Variants in DNAH17 observed in about 807,000 individuals in gnomAD.
The protein encoded by DNAH17 is axonemal beta dynein heavy chain 17.
In DNAH17, 376 loss-of-function variants were observed where a neutral mutation model predicts 485.6. That is an observed-to-expected ratio of 0.77 (90% CI 0.71 to 0.84). The LOEUF (loss-of-function observed/expected upper bound fraction) is 0.84. DNAH17 is among the 40% of genes least tolerant of loss of function. DNAH17 has a pLI of 0.00. For synonymous variants in DNAH17, 3,031 were observed against 2,405.9 expected, an observed-to-expected ratio of 1.26 and a Z score of -7.60; for missense variants, 6,370 against 5,839.3, an observed-to-expected ratio of 1.09 and a Z score of -2.96.
At chr17:78,538,545 T>C (rs528436350) in intron 18 of DNAH17, among the ~76,000 whole-genome samples, 8 of 152,206 alleles carry the variant, frequency 5.3e-5, no homozygotes, top group Admixed American at 3.3e-4. Flanking sequence ...AGTATCTGAG[T>C]GAGGTGCTAA....
intron 2 of DNAH17, among the ~76,000 whole-genome samples, chr17:78,573,937 C>T (rs1278108809): frequency 1.3e-5 from 2 of 152,122 alleles, no homozygotes; most frequent in African/African-American, 4.8e-5. Flanking sequence ...AGTGTGTCCC[C>T]CCCACCTACA....
At chr17:78,492,995 C>T (rs563818010) in intron 41 of DNAH17, 11 of 373,628 alleles carry the variant, frequency 2.9e-5, no homozygotes, top group Admixed American at 8.5e-5. Context: ...GGATTACAGG[C>T]GCCCATGACC....
At position 78,494,633 on chromosome 17, in the gene DNAH17, G is replaced by A; in HGVS notation, c.6230C>T (p.Ala2077Val). ...FMGLIGDLFP[A>V]LDVPRKRDLN... ...GTCCCGTTTCCGAGGCACGTCCAGA[G>A]CCGGGAAGAGGTCCCCGATCAGTCC... is the stretch of plus-strand genomic sequence containing the variant. Residue 2077 changes from alanine (A) to valine (V), a missense_variant, in exon 40 of 81, where the codon GCT becomes GTT. Transcript: ENST00000389840. 1 of 1,613,900 alleles carries A rather than the reference G, an allele frequency of 6.2e-7. No individual in the cohort carries two copies. Among genetic ancestry groups the A allele is most frequent in the Non-Finnish European group, 8.5e-7 (1 of 1,179,898 alleles).
At chr17:78,432,656 G>A (rs188918006) in intron 75 of DNAH17, among the ~76,000 whole-genome samples, 4 of 152,340 alleles carry the variant, frequency 2.6e-5, no homozygotes, top group Admixed American at 6.5e-5. Context: ...CCTCCTGGGG[G>A]CCTTCTCAGG....
At chr17:78,439,000 C>T in intron 73 of DNAH17, 90 bp downstream of exon 73, 1 of 1,509,394 alleles carries the variant, frequency 6.6e-7, no homozygotes, top group Non-Finnish European at 8.9e-7. Context: ...GCAAACTCCA[C>T]ATCCTGCTTC....
intron 37 of DNAH17, among the ~76,000 whole-genome samples, chr17:78,498,511 G>A (rs890727345): frequency 2.6e-5 from 4 of 152,322 alleles, no homozygotes. Flanking sequence ...GGGGTGGGGC[G>A]CTGGCCCAGG....
Position 78,444,542 on chromosome 17 carries a change from G to C in DNAH17, c.11528+62C>G, listed in dbSNP as rs955661347. The stretch of plus-strand genomic sequence containing the variant: ...CACAGAGAGTCTAGCACAGCCGCTC[G>C]GTCAAGCTTCCATCAGGCCTGGGCC... On this transcript the variant is annotated intron_variant, in intron 71 of 80. Coordinates refer to ENST00000389840, the MANE Select transcript of DNAH17 (RefSeq NM_173628.4). 3.2e-5 allele frequency: 47 copies of C among 1,459,968 alleles called. No individual in the cohort carries two copies. The East Asian group carries it at 7.8e-4, about 24-fold the overall frequency. 90.4% of individuals were successfully genotyped at this position (1,459,968 alleles called of 1,614,324 possible). A position where few individuals can be genotyped will look rare whatever the true frequency, so the allele number is the denominator to read the frequency against.
In DNAH17 at chr17:78,491,577, G is replaced by A. The variant is rs2089859095; in HGVS notation, c.6542-7C>T. 3 of 1,613,332 alleles carry A rather than the reference G, an allele frequency of 1.9e-6. No individual in the cohort carries two copies. The highest frequency in any genetic ancestry group is 1.7e-5 in the Admixed American group (1 of 59,950). ...ATGATGGTGGAGAACAGGCCTGGGG[G>A]AGGCGCGTGGTATGACCCCGGGCCC... On this transcript the variant is annotated splice_polypyrimidine_tract_variant and splice_region_variant and intron_variant, in intron 42 of 80. Transcript: ENST00000389840.
Position 78,428,611 on chromosome 17 carries a change from A to G in DNAH17, c.12502T>C (p.Ser4168Pro). 6.2e-7 allele frequency: 1 copy of G among 1,613,852 alleles called. No homozygotes were observed. Residue 4168 changes from serine (S) to proline (P), a missense_variant, in exon 77 of 81, where the codon TCA becomes CCA. Transcript: ENST00000389840. ...AGGACAGTGCGGAACAGCTTCTCTG[A>G]GGTGACCGTCAGAAAGCCAATCTCT... is the stretch of plus-strand genomic sequence containing the variant. ...NAEIGFLTVT[S>P]EKLFRTVLEM... is the part of the protein sequence containing the mutation.
At chr17:78,480,827 G>A (rs2146622302) in intron 48 of DNAH17, 41 bp from the exon 49 acceptor site, 6 of 1,457,410 alleles carry the variant, frequency 4.1e-6, no homozygotes, top group South Asian at 1.2e-5. Context: ...CCCCTGGCCT[G>A]GAGGAACCAT....
intron 39 of DNAH17, 24 bp from the exon 40 acceptor site, chr17:78,494,844 G>A (rs1438640614): frequency 1.3e-6 from 2 of 1,578,238 alleles, no homozygotes; most frequent in African/African-American, 1.3e-5. Flanking sequence ...GCACAGGTGG[G>A]CAGACGTGAG....
intron 13 of DNAH17, among the ~76,000 whole-genome samples, chr17:78,559,216 T>C (rs1400282939): frequency 1.3e-5 from 2 of 152,228 alleles, no homozygotes; most frequent in Non-Finnish European, 2.9e-5. Context: ...CCCACGTTTA[T>C]GTCTCCAACC....
chr17:78,524,322 G>A (rs1308843898), intron 25 of DNAH17, among the ~76,000 whole-genome samples: 1 of 152,138 alleles, frequency 6.6e-6, no homozygotes, highest in East Asian at 1.9e-4. Context: ...ATTTTTCGTA[G>A]AGACGGGGTT....
chr17:78,476,983 T>C (rs1354544407), intron 51 of DNAH17, among the ~76,000 whole-genome samples: 4 of 152,146 alleles, frequency 2.6e-5, no homozygotes, highest in African/African-American at 9.7e-5. Flanking sequence ...GGCCTCATCC[T>C]CCAGAAGAGT....
intron 17 of DNAH17, among the ~76,000 whole-genome samples, chr17:78,540,110 G>A (rs1165788953): frequency 3.9e-5 from 6 of 152,040 alleles, no homozygotes; most frequent in Non-Finnish European, 8.8e-5. Context: ...CAGCTCAAAT[G>A]TCCCTTCCTC....
intron 20 of DNAH17, 56 bp downstream of exon 20, chr17:78,532,426 T>G: frequency 1.3e-6 from 2 of 1,537,222 alleles, no homozygotes; most frequent in Non-Finnish European, 1.7e-6. Flanking sequence ...AGCCTGGTGA[T>G]CCTCTCCTGG....
intron 16 of DNAH17, among the ~76,000 whole-genome samples, chr17:78,545,300 G>T (rs1002139341): frequency 6.6e-6 from 1 of 152,156 alleles, no homozygotes; most frequent in Admixed American, 6.5e-5. Flanking sequence ...ATTGCTTCAT[G>T]GTCAGAAAAA....
chr17:78,510,760 C>A (rs578050796), intron 26 of DNAH17: 4 of 443,350 alleles, frequency 9.0e-6, no homozygotes, highest in Non-Finnish European at 1.7e-5. Flanking sequence ...GGCCCCCCCG[C>A]AAAATTCACA....
intron 25 of DNAH17, among the ~76,000 whole-genome samples, chr17:78,523,819 G>C (rs1376833829): frequency 6.6e-6 from 1 of 152,224 alleles, no homozygotes; most frequent in African/African-American, 2.4e-5. Flanking sequence ...AGAGGCAGGA[G>C]GATTGCTCGA....
Sources: allele counts gnomAD v4.1 joint callset (sites outside exome capture counted in the v4.1 genomes callset), GRCh38; gene constraint gnomAD v4.1.1; transcripts MANE v1.5; gene names NCBI Gene and HGNC (gene_info 2026-07-23, HGNC 2026-07-21).